Variants in SRGAP2B observed in about 807,000 individuals in gnomAD.
The protein encoded by SRGAP2B is SLIT-ROBO Rho GTPase activating protein 2B.
In SRGAP2B, 9 loss-of-function variants were observed where a neutral mutation model predicts 22.2. The observed-to-expected ratio is 0.41, with a 90% CI of 0.24 to 0.71. SRGAP2B has a LOEUF of 0.71. Among genes scored for constraint, SRGAP2B ranks in the 30% least tolerant of loss-of-function variants. SRGAP2B has a pLI of 0.35. For synonymous variants in SRGAP2B, 36 were observed against 87.4 expected, an observed-to-expected ratio of 0.41 and a Z score of 3.28; for missense variants, 114 against 235.8, an observed-to-expected ratio of 0.48 and a Z score of 3.38.
intron 2 of SRGAP2B, among the ~76,000 whole-genome samples, chr1:145,023,720 T>C (rs1571034751): frequency 7.2e-6 from 1 of 139,088 alleles, no homozygotes; most frequent in East Asian, 2.0e-4. Flanking sequence ...ATCCAACAAA[T>C]CTTTACTGAG....
chr1:144,955,499 C>T (rs1667191119), exon 4 of SRGAP2B: 1 of 1,175,788 alleles, frequency 8.5e-7, no homozygotes, highest in Admixed American at 2.2e-5. Context: ...TGATATTATT[C>T]AGGTAGATGT....
At chr1:144,894,106 G>T in intron 8 of SRGAP2B, among the ~76,000 whole-genome samples, 2 of 137,312 alleles carry the variant, frequency 1.5e-5, no homozygotes, top group East Asian at 2.0e-4. Context: ...ATTTTACCAG[G>T]CCTTCCCTAG....
rs587775398 is a variant in SRGAP2B, at chr1:144,997,072, C to A, written c.68-1872G>T. ...CTGATAGTAATAGACATTGGGTGGG[C>A]AGACTGTACATTGAGAGGGCATTCA... is the stretch of plus-strand genomic sequence containing the variant. On this transcript the variant is annotated intron_variant, in intron 2 of 9. Coordinates refer to ENST00000612199, the Ensembl canonical transcript of SRGAP2B. Among the ~76,000 whole-genome samples the A allele has an allele frequency of 4.6e-4, 69 of 150,568 alleles. 1 individual carries two copies. The highest frequency in any genetic ancestry group is 1.9e-3 in the Admixed American group (29 of 15,164).
At chr1:144,945,590 A>AAAACAAACAAAC (rs55768890) in intron 4 of SRGAP2B, among the ~76,000 whole-genome samples, 1 of 150,188 alleles carries the variant, frequency 6.7e-6, no homozygotes, top group East Asian at 1.9e-4. Context: ...CCATCTCTTT[A>AAAACAAACAAAC]AAACAAACAA....
At chr1:144,998,574 A>G (rs4058391) in intron 2 of SRGAP2B, among the ~76,000 whole-genome samples, 2 of 150,548 alleles carry the variant, frequency 1.3e-5, no homozygotes, top group Non-Finnish European at 2.9e-5. Context: ...GAAGAGGAAG[A>G]AGGAAAAGGA....
intron 3 of SRGAP2B, among the ~76,000 whole-genome samples, chr1:144,964,632 CTG>C (rs1667923919): frequency 6.6e-6 from 1 of 151,144 alleles, no homozygotes; most frequent in Non-Finnish European, 1.5e-5. Context: ...CATCTACACT[CTG>C]TGGAAAGCGC....
intron 4 of SRGAP2B, 95 bp downstream of exon 4, chr1:144,955,344 T>C (rs1667176593): frequency 1.7e-6 from 1 of 593,580 alleles, no homozygotes; most frequent in South Asian, 2.0e-5. Context: ...TACAGATAAT[T>C]TTGTCACCCA....
chr1:144,969,963 G>A (rs1425027750), intron 3 of SRGAP2B, among the ~76,000 whole-genome samples: 3 of 150,616 alleles, frequency 2.0e-5, no homozygotes, highest in African/African-American at 7.5e-5. Context: ...TCTCACACCA[G>A]TTAGAATGGC....
At chr1:144,943,792 C>A (rs1268718336) in intron 4 of SRGAP2B, among the ~76,000 whole-genome samples, 13 of 149,178 alleles carry the variant, frequency 8.7e-5, no homozygotes, top group Non-Finnish European at 1.9e-4. Flanking sequence ...TACATAATAG[C>A]CTCAAACTGA....
At chr1:144,924,657 G>A (rs1207808979) in intron 4 of SRGAP2B, among the ~76,000 whole-genome samples, 42 of 150,908 alleles carry the variant, frequency 2.8e-4, no homozygotes, top group Non-Finnish European at 4.1e-4. Flanking sequence ...GCGTGAACCC[G>A]GGAGGCGGAG....
chr1:145,064,720 C>G (rs1312917063), intron 2 of SRGAP2B, among the ~76,000 whole-genome samples: 1 of 150,484 alleles, frequency 6.6e-6, no homozygotes, highest in African/African-American at 2.5e-5. Context: ...TTTACTCTAA[C>G]AGAAGATATC....
chr1:145,063,141 C>T (rs1237833064), intron 2 of SRGAP2B, among the ~76,000 whole-genome samples: 2 of 134,694 alleles, frequency 1.5e-5, no homozygotes, highest in Admixed American at 7.4e-5. Context: ...GATGAGGAGG[C>T]ATTTTCAGTT....
chr1:144,929,477 T>C (rs1553345452), intron 4 of SRGAP2B, among the ~76,000 whole-genome samples: 1 of 150,948 alleles, frequency 6.6e-6, no homozygotes, highest in Non-Finnish European at 1.5e-5. Context: ...TGAGTTAATT[T>C]TTTTATTATT....
At chr1:145,008,871 CA>C (rs782194327) in intron 2 of SRGAP2B, among the ~76,000 whole-genome samples, 2,817 of 134,326 alleles carry the variant, frequency 0.021, 133 homozygotes, top group African/African-American at 0.072. Context: ...AACAAAACAC[CA>C]AAAAAAAAAA....
At chr1:145,003,578 G>A (rs1340744371) in intron 2 of SRGAP2B, among the ~76,000 whole-genome samples, 9 of 144,324 alleles carry the variant, frequency 6.2e-5, no homozygotes, top group Admixed American at 1.4e-4. Flanking sequence ...AGGTGCAAGA[G>A]GAGGAATAGC....
chr1:144,925,739 GAAAGAAAGA>G (rs1664649745), intron 4 of SRGAP2B, among the ~76,000 whole-genome samples: 1 of 101,364 alleles, frequency 9.9e-6, no homozygotes, highest in Non-Finnish European at 2.1e-5. Context: ...AAGAAAGAAA[GAAAGAAAGA>G]AAGAAAGAAA....
At chr1:145,044,649 CTAAAAAAAAAAAAAAAAAAAA>C (rs2102362183) in intron 2 of SRGAP2B, among the ~76,000 whole-genome samples, 1 of 53,682 alleles carries the variant, frequency 1.9e-5, no homozygotes, top group African/African-American at 7.0e-5. Context: ...GAACCCCCTC[CTAAAAAAAAAAAAAAAAAAAA>C]AAAAAAAAAA....
intron 2 of SRGAP2B, among the ~76,000 whole-genome samples, chr1:145,069,438 TC>T (rs1374743129): frequency 1.0e-5 from 1 of 98,816 alleles, no homozygotes; most frequent in Non-Finnish European, 2.0e-5. Context: ...CACCCAGGCT[TC>T]AGCTTGGTAG....
chr1:145,073,117 C>T (rs1213965386), intron 2 of SRGAP2B, among the ~76,000 whole-genome samples: 3 of 150,450 alleles, frequency 2.0e-5, no homozygotes, highest in Non-Finnish European at 4.4e-5. Context: ...TTAATTCCTG[C>T]ACACAAACAC....
Sources: allele counts gnomAD v4.1 joint callset (sites outside exome capture counted in the v4.1 genomes callset), GRCh38; gene constraint gnomAD v4.1.1; transcripts MANE v1.5; gene names NCBI Gene and HGNC (gene_info 2026-07-23, HGNC 2026-07-21).